Variants in DLGAP2 observed in about 807,000 individuals in gnomAD.
DLGAP2 encodes the protein disks large-associated protein 2.
Under a neutral mutation model 100.3 loss-of-function variants are expected in DLGAP2, and 26 were observed. The ratio of observed to expected loss-of-function variants is 0.26; its 90% CI spans 0.19 to 0.36. The LOEUF (loss-of-function observed/expected upper bound fraction) is 0.36. DLGAP2 is among the 10% of genes least tolerant of loss of function. The probability of loss-of-function intolerance (pLI) is 1.00; values close to 1 mark genes in which losing one functional copy is unlikely to be tolerated. For synonymous variants in DLGAP2, 886 were observed against 630.1 expected (o/e 1.41, Z -6.08); for missense variants, 1,858 against 1,453.2 (o/e 1.28, Z -4.53).
chr8:1,681,763 T>A (rs1368910066), intron 12 of DLGAP2, among the ~76,000 whole-genome samples: 2 of 152,044 alleles, frequency 1.3e-5, no homozygotes, highest in African/African-American at 2.4e-5. Flanking sequence ...ACTAGGTGAG[T>A]AGTATTGTAA....
intron 3 of DLGAP2, among the ~76,000 whole-genome samples, chr8:1,317,301 C>A (rs1446843525): frequency 7.4e-6 from 1 of 135,936 alleles, no homozygotes; most frequent in South Asian, 2.4e-4. Context: ...AACTCGGCAG[C>A]TTTTAAAAAT....
At chr8:1,142,065 C>T (rs1398447654) in intron 2 of DLGAP2, among the ~76,000 whole-genome samples, 2 of 118,516 alleles carry the variant, frequency 1.7e-5, no homozygotes, top group African/African-American at 2.8e-5. Flanking sequence ...ATTCTGCCTA[C>T]GTATATAAGT....
At chr8:1,160,090 A>C (rs193018340) in intron 2 of DLGAP2, among the ~76,000 whole-genome samples, 1 of 152,342 alleles carries the variant, frequency 6.6e-6, no homozygotes, top group Non-Finnish European at 1.5e-5. Flanking sequence ...TCCATCTCCC[A>C]CAGCCCGGAA....
chr8:1,113,131 A>G (rs12547705), intron 2 of DLGAP2, among the ~76,000 whole-genome samples: 16,686 of 152,130 alleles, frequency 0.11, 1,043 homozygotes, highest in East Asian at 0.19. Context: ...AAAGTTGGAT[A>G]ATATGATGCC....
chr8:1,365,588 TAA>T (rs1357328703), intron 3 of DLGAP2, among the ~76,000 whole-genome samples: 1 of 152,184 alleles, frequency 6.6e-6, no homozygotes, highest in Non-Finnish European at 1.5e-5. Context: ...CTTGCCACAC[TAA>T]AAGCTGCTAC....
chr8:959,992 G>T (rs1799685388), intron 2 of DLGAP2, among the ~76,000 whole-genome samples: 1 of 152,072 alleles, frequency 6.6e-6, no homozygotes, highest in Non-Finnish European at 1.5e-5. Flanking sequence ...TTGTTCTACA[G>T]GGCAATAAAC....
At chr8:841,151 A>T (rs1796976709) in intron 1 of DLGAP2, among the ~76,000 whole-genome samples, 1 of 152,216 alleles carries the variant, frequency 6.6e-6, no homozygotes, top group African/African-American at 2.4e-5. Context: ...TTCATATGGA[A>T]AAGGCAAGAT....
chr8:1,010,232 A>G (rs1193527246), intron 2 of DLGAP2, among the ~76,000 whole-genome samples: 1 of 152,216 alleles, frequency 6.6e-6, no homozygotes, highest in Admixed American at 6.5e-5. Context: ...TTATACACAC[A>G]TACACACATG....
At chr8:1,429,431 T>C (rs964522236) in intron 3 of DLGAP2, among the ~76,000 whole-genome samples, 1 of 152,176 alleles carries the variant, frequency 6.6e-6, no homozygotes, top group African/African-American at 2.4e-5. Flanking sequence ...GGATTGTGTC[T>C]TGTTCATTGC....
intron 4 of DLGAP2, among the ~76,000 whole-genome samples, chr8:1,518,885 G>A (rs1484346478): frequency 6.6e-6 from 1 of 152,196 alleles, no homozygotes; most frequent in Non-Finnish European, 1.5e-5. Flanking sequence ...TGGATATTTA[G>A]TAAAACACAT....
At chr8:901,796 C>T (rs544514155) in intron 1 of DLGAP2, among the ~76,000 whole-genome samples, 4 of 152,358 alleles carry the variant, frequency 2.6e-5, no homozygotes, top group African/African-American at 9.6e-5. Flanking sequence ...CCCTCCCAGG[C>T]TCATCAACAA....
In DLGAP2 at chr8:776,282, T is replaced by G. The variant is rs546655519; in HGVS notation, c.18+38457T>G. ...CTTGCTAGCGGTCTATCAATTTTGT[T>G]GATCCTTTCAAGAAACCAGCTCCTG... On this transcript the variant is annotated intron_variant, in intron 1 of 14. Coordinates refer to ENST00000637795, the MANE Select transcript of DLGAP2 (RefSeq NM_001346810.2). Among the ~76,000 whole-genome samples, 5 of 152,290 alleles carry G rather than the reference T, an allele frequency of 3.3e-5. No homozygotes were observed. The South Asian group carries it at 6.2e-4, about 19-fold the overall frequency.
intron 3 of DLGAP2, among the ~76,000 whole-genome samples, chr8:1,409,734 C>G (rs560679009): frequency 2.2e-4 from 34 of 152,244 alleles, no homozygotes; most frequent in African/African-American, 8.2e-4. Context: ...CATGAGGGCT[C>G]AAATAGAACT....
chr8:874,751 G>A (rs1423157331), intron 1 of DLGAP2, among the ~76,000 whole-genome samples: 7 of 152,172 alleles, frequency 4.6e-5, no homozygotes, highest in African/African-American at 1.7e-4. Context: ...TGTTGTTCAA[G>A]CCTTCTCTTT....
intron 2 of DLGAP2, among the ~76,000 whole-genome samples, chr8:944,974 T>C (rs1799283882): frequency 1.3e-5 from 2 of 152,172 alleles, no homozygotes; most frequent in African/African-American, 4.8e-5. Context: ...TAGTGATCTG[T>C]GGAGTGATAG....
intron 2 of DLGAP2, among the ~76,000 whole-genome samples, chr8:1,166,290 C>A (rs1321727798): frequency 6.6e-6 from 1 of 152,206 alleles, no homozygotes; most frequent in Non-Finnish European, 1.5e-5. Flanking sequence ...AGATGCACCA[C>A]CCCGTGCTTC....
chr8:1,628,429 A>G (rs1250483439), intron 7 of DLGAP2, among the ~76,000 whole-genome samples: 10 of 114,088 alleles, frequency 8.8e-5, no homozygotes, highest in Non-Finnish European at 1.4e-4. Context: ...AGCCGACCTC[A>G]CATTCTGTCT....
chr8:738,115 G>A (rs920124766), intron 1 of DLGAP2: 2 of 235,380 alleles, frequency 8.5e-6, no homozygotes, highest in Non-Finnish European at 1.6e-5. Context: ...ACGGGGCCGC[G>A]GAGGTGTGAA....
chr8:1,328,649 C>A (rs1801078635), intron 3 of DLGAP2, among the ~76,000 whole-genome samples: 1 of 152,142 alleles, frequency 6.6e-6, no homozygotes, highest in East Asian at 1.9e-4. Flanking sequence ...CTGCACCTGG[C>A]CTTACAGTTA....
Sources: gnomAD v4.1 joint callset for allele counts (sites outside exome capture counted in the v4.1 genomes callset) on GRCh38, gnomAD v4.1.1 for gene constraint, MANE v1.5 for transcripts, NCBI Gene and HGNC (gene_info 2026-07-23, HGNC 2026-07-21) for gene names.